The following GNG7 variants were observed in gnomAD, a reference collection of about 807,000 sequenced individuals.
GNG7 encodes the protein guanine nucleotide-binding protein G(I)/G(S)/G(O) subunit gamma-7.
In GNG7, 1 loss-of-function variant was observed where a neutral mutation model predicts 4.0. The observed-to-expected ratio is 0.25, with a 90% CI of 0.09 to 1.18. The LOEUF (loss-of-function observed/expected upper bound fraction) is 1.18. GNG7 is among the 50% of genes most tolerant of loss of function. The pLI, the probability that GNG7 is intolerant of heterozygous loss-of-function variation, is 0.50. For synonymous variants in GNG7, 34 were observed against 36.9 expected (o/e 0.92, Z 0.29); for missense variants, 86 against 91.9 (o/e 0.94, Z 0.26).
chr19:2,639,263 C>T (rs1244928497), intron 2 of GNG7, among the ~76,000 whole-genome samples: 1 of 151,962 alleles, frequency 6.6e-6, no homozygotes, highest in Non-Finnish European at 1.5e-5. Flanking sequence ...TTGGCAAAAC[C>T]CACCGTAAGC....
chr19:2,649,304 G>T (rs766198873), intron 1 of GNG7, among the ~76,000 whole-genome samples: 1 of 151,684 alleles, frequency 6.6e-6, no homozygotes, highest in Non-Finnish European at 1.5e-5. Context: ...CCCTGCCAGC[G>T]ACACCGTACA....
intron 2 of GNG7, among the ~76,000 whole-genome samples, chr19:2,585,611 G>C (rs1178976135): frequency 1.3e-5 from 2 of 152,220 alleles, no homozygotes; most frequent in Non-Finnish European, 2.9e-5. Context: ...TTCATCTCCA[G>C]ATTGGGATTA....
chr19:2,528,597 A>G (rs1252102297), intron 3 of GNG7, among the ~76,000 whole-genome samples: 1 of 152,136 alleles, frequency 6.6e-6, no homozygotes, highest in Admixed American at 6.6e-5. Flanking sequence ...GAGGCCCCAC[A>G]GGGCGGGAGT....
At chr19:2,593,421 C>T (rs1980910873) in intron 2 of GNG7, among the ~76,000 whole-genome samples, 1 of 152,106 alleles carries the variant, frequency 6.6e-6, no homozygotes, top group Non-Finnish European at 1.5e-5. Context: ...TATTTACAAG[C>T]CTTCAAGCTG....
chr19:2,586,185 C>A (rs1359883237), intron 2 of GNG7, among the ~76,000 whole-genome samples: 1 of 152,224 alleles, frequency 6.6e-6, no homozygotes, highest in Non-Finnish European at 1.5e-5. Context: ...CACAGTCTTG[C>A]AGCCGTCTTG....
At chr19:2,594,146 G>A (rs976654042) in intron 2 of GNG7, among the ~76,000 whole-genome samples, 13 of 151,888 alleles carry the variant, frequency 8.6e-5, no homozygotes, top group African/African-American at 7.3e-5. Flanking sequence ...CAAGACGGGC[G>A]GATCACCTGA....
Position 2,513,162 on chromosome 19 carries a change from G to T in GNG7, c.*1860C>A. The T allele has an allele frequency of 6.1e-6, 6 of 980,542 alleles. No homozygotes were observed. The highest frequency in any genetic ancestry group is 7.3e-6 in the Non-Finnish European group (6 of 825,480). 60.7% of individuals were successfully genotyped at this position (980,542 alleles called of 1,614,324 possible). A position where few individuals can be genotyped will look rare whatever the true frequency, so the allele number is the denominator to read the frequency against. ...ACACACCCGGAGCCCTCTAGCCTTG[G>T]CGAGGTGGGAACCCTGGCAGTCACC... On this transcript the variant is annotated 3_prime_UTR_variant, in exon 5 of 5. Coordinates refer to ENST00000382159, the MANE Select transcript of GNG7 (RefSeq NM_052847.3).
chr19:2,697,431 C>A (rs953673162), intron 1 of GNG7, among the ~76,000 whole-genome samples: 2 of 152,088 alleles, frequency 1.3e-5, no homozygotes, highest in African/African-American at 4.8e-5. Flanking sequence ...CCCTCGGGGG[C>A]CGCTGTGTGA....
intron 2 of GNG7, among the ~76,000 whole-genome samples, chr19:2,599,417 G>C (rs1057350242): frequency 1.3e-5 from 2 of 152,088 alleles, no homozygotes; most frequent in African/African-American, 4.8e-5. Context: ...ACTTCGGCGG[G>C]AGAAAGCACC....
At chr19:2,678,167 G>A (rs73920464) in intron 1 of GNG7, among the ~76,000 whole-genome samples, 1,997 of 152,248 alleles carry the variant, frequency 0.013, 53 homozygotes, top group African/African-American at 0.046. Flanking sequence ...AGGAGGTGGC[G>A]GTGGCCGACG....
chr19:2,562,012 A>G (rs1979756769), intron 2 of GNG7, among the ~76,000 whole-genome samples: 1 of 151,444 alleles, frequency 6.6e-6, no homozygotes, highest in Non-Finnish European at 1.5e-5. Flanking sequence ...TGAGCTTCGC[A>G]GGCTCTTCTG....
chr19:2,513,232 G>T lies in GNG7; in HGVS notation c.*1790C>A, dbSNP rs963105097. 3 of 731,430 alleles carry T rather than the reference G, an allele frequency of 4.1e-6. No individual in the cohort carries two copies. Among genetic ancestry groups the T allele is most frequent in the Admixed American group, 1.3e-4 (2 of 15,964 alleles). The allele number at this position is 731,430 out of a possible 1,614,324, so 45.3% of individuals were successfully genotyped here. On this transcript the variant is annotated 3_prime_UTR_variant, in exon 5 of 5. Transcript: ENST00000382159. ...GCAGGGATCCCCGCCTCACGGGCCT[G>T]CACGGAGGACCTGGGCGGCCGTCCA... is the stretch of plus-strand genomic sequence containing the variant.
At chr19:2,647,915 C>T (rs1391236707) in intron 1 of GNG7, among the ~76,000 whole-genome samples, 1 of 150,512 alleles carries the variant, frequency 6.6e-6, no homozygotes, top group African/African-American at 2.4e-5. Flanking sequence ...GTAATCCCAG[C>T]TACTTGGGAG....
chr19:2,532,118 T>C lies in GNG7; in HGVS notation c.-37-11393A>G, dbSNP rs527769256. ...GTGAGCTGAGATCACGCCACTGCAC[T>C]GCAGCCTGGGCAAAAGAACGAGACT... On this transcript the variant is annotated intron_variant, in intron 3 of 4. Coordinates refer to ENST00000382159, the MANE Select transcript of GNG7 (RefSeq NM_052847.3). Among the ~76,000 whole-genome samples the C allele has an allele frequency of 1.1e-4, 16 of 146,918 alleles. 1 individual carries two copies. In the South Asian group the frequency reaches 3.4e-3, roughly 31 times the overall value.
At chr19:2,583,022 T>C (rs1980548496) in intron 2 of GNG7, among the ~76,000 whole-genome samples, 1 of 152,002 alleles carries the variant, frequency 6.6e-6, no homozygotes, top group Non-Finnish European at 1.5e-5. Flanking sequence ...CCCAGGTTGG[T>C]CTCAAACTCT....
chr19:2,642,290 G>C (rs1982528889), intron 2 of GNG7: 1 of 190,004 alleles, frequency 5.3e-6, no homozygotes, highest in Non-Finnish European at 1.1e-5. Context: ...GTTTCTTGCT[G>C]AGAATTGCCG....
chr19:2,511,973 C>T lies in GNG7; in HGVS notation c.*3049G>A. 1.0e-6 allele frequency: 1 copy of T among 985,910 alleles called. No homozygotes were observed. The highest frequency in any genetic ancestry group is 1.2e-6 in the Non-Finnish European group (1 of 829,970). 61.1% of individuals were successfully genotyped at this position (985,910 alleles called of 1,614,324 possible). ...AGGGTCGGGGCCTGGCCCGCTGTGGCCCTTCACCTGGCTACTGGTGTCTCG... is the reference window on the plus strand; with the variant it reads ...AGGGTCGGGGCCTGGCCCGCTGTGGTCCTTCACCTGGCTACTGGTGTCTCG... On this transcript the variant is annotated 3_prime_UTR_variant, in exon 5 of 5. Coordinates refer to ENST00000382159, the MANE Select transcript of GNG7 (RefSeq NM_052847.3). The surrounding 1 kb of genome is among the most constrained non-coding windows in gnomAD (Gnocchi z 6.3).
At chr19:2,569,054 A>C (rs1980062436) in intron 2 of GNG7, among the ~76,000 whole-genome samples, 1 of 151,724 alleles carries the variant, frequency 6.6e-6, no homozygotes, top group South Asian at 2.1e-4. Flanking sequence ...TATACACAGA[A>C]GCGCACACAC....
chr19:2,653,642 C>T lies in GNG7; in HGVS notation c.-134-7362G>A, dbSNP rs377141674. Among the ~76,000 whole-genome samples the T allele has an allele frequency of 8.2e-4, 125 of 152,272 alleles. No individual in the cohort carries two copies. Among genetic ancestry groups the T allele is most frequent in the Admixed American group, 2.5e-3 (39 of 15,298 alleles). ...TGGGGTGGGGCTGTCCTGGGCACTG[C>T]GGGGAGCTGAGCAGCGTCCCTGGCC... On this transcript the variant is annotated intron_variant, in intron 1 of 4. Coordinates refer to ENST00000382159, the MANE Select transcript of GNG7 (RefSeq NM_052847.3). This position sits in a 1 kb window ranked among gnomAD's most constrained non-coding sequence, Gnocchi z 4.8.
Sources: allele counts gnomAD v4.1 joint callset (sites outside exome capture counted in the v4.1 genomes callset), GRCh38; gene constraint gnomAD v4.1.1; non-coding constraint Gnocchi (gnomAD v3.1); transcripts MANE v1.5; gene names NCBI Gene and HGNC (gene_info 2026-07-23, HGNC 2026-07-21).